SCFD1: variants seen among roughly 807,000 people sequenced by gnomAD.
SCFD1 encodes sec1 family domain containing 1, also known as sec1 family domain-containing protein 1.
A neutral mutation model predicts 103.2 loss-of-function variants in SCFD1; 37 were observed. That is an observed-to-expected ratio of 0.36 (90% CI 0.28 to 0.47). The LOEUF (loss-of-function observed/expected upper bound fraction) is 0.47, where lower values mean the gene tolerates loss of function less well. SCFD1 is among the 20% of genes least tolerant of loss of function. SCFD1 has a pLI of 1.00. For synonymous variants in SCFD1, 264 were observed against 245.0 expected (o/e 1.08, Z -0.73); for missense variants, 639 against 761.2 (o/e 0.84, Z 1.89).
chr14:30,683,619 C>T, intron 14 of SCFD1: 1 of 271,144 alleles, frequency 3.7e-6, no homozygotes, highest in South Asian at 3.7e-5. Context: ...CTGGCAGAGA[C>T]AGGAACTCGG....
chr14:30,708,901 T>C (rs1891669007), intron 19 of SCFD1, among the ~76,000 whole-genome samples: 1 of 152,206 alleles, frequency 6.6e-6, no homozygotes, highest in Admixed American at 6.5e-5. Context: ...GATATTCTGC[T>C]TCAGTCATTA....
At chr14:30,714,497 A>G (rs1163822477) in intron 19 of SCFD1, among the ~76,000 whole-genome samples, 1 of 152,250 alleles carries the variant, frequency 6.6e-6, no homozygotes, top group Non-Finnish European at 1.5e-5. Context: ...AACACAAATG[A>G]AATAGCTTTA....
Position 30,705,304 on chromosome 14 carries a change from G to T in SCFD1, c.1491-519G>T, listed in dbSNP as rs973270506. Among the ~76,000 whole-genome samples the T allele has an allele frequency of 2.0e-5, 3 of 152,274 alleles. No individual in the cohort carries two copies. The South Asian group carries it at 6.2e-4, about 32-fold the overall frequency. On this transcript the variant is annotated intron_variant, in intron 17 of 24. Coordinates refer to ENST00000458591, the MANE Select transcript of SCFD1 (RefSeq NM_016106.4). ...TCCCTAAAGGACAGCATGAGCAAAG[G>T]CATGTACCTGGAAACAAGGGAGCAT...
intron 6 of SCFD1, among the ~76,000 whole-genome samples, chr14:30,642,884 A>G (rs1286886219): frequency 6.6e-6 from 1 of 152,184 alleles, no homozygotes; most frequent in African/African-American, 2.4e-5. Flanking sequence ...AAAGAAGTTT[A>G]AAGCAGGCAG....
At chr14:30,670,072 T>C (rs1888395320) in intron 10 of SCFD1, 184 bp from the exon 11 acceptor site, 2 of 501,364 alleles carry the variant, frequency 4.0e-6, no homozygotes, top group Non-Finnish European at 7.0e-6. Context: ...AATTTTAATA[T>C]ACATCTAATA....
chr14:30,731,452 T>C (rs1893459641), intron 23 of SCFD1, among the ~76,000 whole-genome samples: 1 of 152,216 alleles, frequency 6.6e-6, no homozygotes, highest in Non-Finnish European at 1.5e-5. Context: ...AGTATGGCCA[T>C]TTTCAGGATA....
intron 18 of SCFD1, among the ~76,000 whole-genome samples, chr14:30,706,875 C>G (rs1891502795): frequency 6.6e-6 from 1 of 152,140 alleles, no homozygotes; most frequent in African/African-American, 2.4e-5. Flanking sequence ...AAGTACTTGG[C>G]AAAAGGAATC....
At chr14:30,723,326 C>T (rs532849195) in intron 23 of SCFD1, among the ~76,000 whole-genome samples, 5 of 152,262 alleles carry the variant, frequency 3.3e-5, no homozygotes, top group African/African-American at 1.2e-4. Flanking sequence ...TTCATCTTTG[C>T]ATCGTGAACC....
intron 1 of SCFD1, among the ~76,000 whole-genome samples, chr14:30,625,098 T>C (rs1357602077): frequency 6.6e-6 from 1 of 152,180 alleles, no homozygotes; most frequent in African/African-American, 2.4e-5. Flanking sequence ...TTATTTTATT[T>C]TTTTTATCCC....
At chr14:30,735,449 C>CA (rs1893776946) in intron 24 of SCFD1, 137 bp from the exon 25 acceptor site, 2 of 675,044 alleles carry the variant, frequency 3.0e-6, no homozygotes, top group African/African-American at 1.9e-5. Context: ...TAGTGGTGAA[C>CA]ATTAAGATTT....
chr14:30,634,473 A>G (rs1190299514), intron 4 of SCFD1, among the ~76,000 whole-genome samples: 1 of 152,200 alleles, frequency 6.6e-6, no homozygotes, highest in Non-Finnish European at 1.5e-5. Flanking sequence ...TATCATAAAT[A>G]TGTATGTATA....
chr14:30,625,711 G>GCATATAGGTATACC (rs1280686829), intron 1 of SCFD1, among the ~76,000 whole-genome samples: 2,411 of 107,458 alleles, frequency 0.022, 451 homozygotes, highest in African/African-American at 0.059. Flanking sequence ...AGGTATATAG[G>GCATATAGGTATACC]TATATAGGTA....
chr14:30,652,731 G>A lies in SCFD1; in HGVS notation c.756-758G>A, dbSNP rs535179749. On this transcript the variant is annotated intron_variant, in intron 9 of 24. Transcript: ENST00000458591. The stretch of plus-strand genomic sequence containing the variant: ...TTTTTCCTTAAAGTTTCCTGGCAGG[G>A]CATGATAGTTCACACCTGTAATCCT... Among the ~76,000 whole-genome samples, 3 of 152,204 alleles carry A rather than the reference G, an allele frequency of 2.0e-5. No individual in the cohort carries two copies. The South Asian group carries it at 6.2e-4, about 32-fold the overall frequency.
intron 23 of SCFD1, among the ~76,000 whole-genome samples, chr14:30,728,824 T>G (rs930055961): frequency 1.3e-5 from 2 of 151,368 alleles, no homozygotes; most frequent in Non-Finnish European, 2.9e-5. Context: ...AATGTCTGTT[T>G]AGATCCTTTG....
At chr14:30,734,011 T>A (rs1487368485) in intron 23 of SCFD1, among the ~76,000 whole-genome samples, 1 of 152,120 alleles carries the variant, frequency 6.6e-6, no homozygotes, top group Non-Finnish European at 1.5e-5. Flanking sequence ...TTGAAAAAAA[T>A]ATGAGTTGTG....
intron 6 of SCFD1, 50 bp from the exon 7 acceptor site, chr14:30,643,266 T>A: frequency 9.4e-7 from 1 of 1,065,584 alleles, no homozygotes; most frequent in Non-Finnish European, 1.5e-6. Context: ...TTTAGAAAGA[T>A]GAGGCATAAG....
intron 7 of SCFD1, among the ~76,000 whole-genome samples, chr14:30,647,931 AT>A (rs1271252568): frequency 3.9e-5 from 6 of 152,194 alleles, no homozygotes; most frequent in African/African-American, 1.4e-4. Flanking sequence ...GATTACAGGC[AT>A]GAGCCACCAT....
chr14:30,693,497 T>A (rs1368477897), intron 14 of SCFD1, among the ~76,000 whole-genome samples: 1 of 152,212 alleles, frequency 6.6e-6, no homozygotes, highest in African/African-American at 2.4e-5. Context: ...TGATTTCTTG[T>A]TGCTCCATGT....
chr14:30,677,397 A>G (rs1271942339), intron 14 of SCFD1, among the ~76,000 whole-genome samples: 3 of 152,192 alleles, frequency 2.0e-5, no homozygotes, highest in Non-Finnish European at 4.4e-5. Context: ...ATTTAAACAA[A>G]GTGTGCTATT....
Sources: gnomAD v4.1 joint callset for allele counts (sites outside exome capture counted in the v4.1 genomes callset) on GRCh38, gnomAD v4.1.1 for gene constraint, MANE v1.5 for transcripts, NCBI Gene and HGNC (gene_info 2026-07-23, HGNC 2026-07-21) for gene names.